RYR3: variants seen among roughly 807,000 people sequenced by gnomAD.
RYR3 encodes brain ryanodine receptor-calcium release channel.
A neutral mutation model predicts 584.3 loss-of-function variants in RYR3; 207 were observed. That is an observed-to-expected ratio of 0.35 (90% CI 0.32 to 0.40). The LOEUF (loss-of-function observed/expected upper bound fraction) is 0.40. Among genes scored for constraint, RYR3 ranks in the 10% least tolerant of loss-of-function variants. The pLI, the probability that RYR3 is intolerant of heterozygous loss-of-function variation, is 1.00. For synonymous variants in RYR3, 2,416 were observed against 2,248.5 expected (o/e 1.07, Z -2.11); for missense variants, 5,616 against 6,089.2 (o/e 0.92, Z 2.59).
intron 8 of RYR3, among the ~76,000 whole-genome samples, chr15:33,545,131 C>G (rs1482990599): frequency 6.6e-6 from 1 of 152,162 alleles, no homozygotes; most frequent in African/African-American, 2.4e-5. Context: ...CTAGTTCATT[C>G]TCTCTATTCC....
chr15:33,441,725 T>A (rs776063279), intron 1 of RYR3, among the ~76,000 whole-genome samples: 1 of 152,224 alleles, frequency 6.6e-6, no homozygotes, highest in Non-Finnish European at 1.5e-5. Flanking sequence ...TGCCCTACTT[T>A]ATACATTTGG....
chr15:33,677,379 G>A (rs893215324), intron 38 of RYR3, among the ~76,000 whole-genome samples: 7 of 152,266 alleles, frequency 4.6e-5, no homozygotes, highest in South Asian at 4.2e-4. Flanking sequence ...TGAGTCCTTC[G>A]CTGTGCCATC....
At chr15:33,836,775 G>A (rs1252116862) in intron 87 of RYR3, 131 bp from the exon 88 acceptor site, 1 of 623,006 alleles carries the variant, frequency 1.6e-6, no homozygotes, top group Non-Finnish European at 2.9e-6. Context: ...CATTCAGAAT[G>A]AGAAGGAAGC....
intron 36 of RYR3, among the ~76,000 whole-genome samples, chr15:33,665,994 C>T (rs1282051943): frequency 6.6e-6 from 1 of 152,072 alleles, no homozygotes; most frequent in East Asian, 1.9e-4. Flanking sequence ...ACACAGATTG[C>T]TTGGTTTCAC....
chr15:33,576,675 AG>A (rs2058315701), intron 12 of RYR3, among the ~76,000 whole-genome samples: 1 of 152,230 alleles, frequency 6.6e-6, no homozygotes, highest in Non-Finnish European at 1.5e-5. Context: ...AATGAGCAAA[AG>A]CTGGAAGCAT....
chr15:33,859,924 G>A (rs2080147710), intron 100 of RYR3, among the ~76,000 whole-genome samples, 193 bp downstream of exon 100: 1 of 152,184 alleles, frequency 6.6e-6, no homozygotes, highest in African/African-American at 2.4e-5. Flanking sequence ...CCCAGGCACA[G>A]TTATAAGAAG....
intron 43 of RYR3, among the ~76,000 whole-genome samples, chr15:33,715,656 C>T (rs1388815851): frequency 1.3e-5 from 2 of 152,108 alleles, no homozygotes; most frequent in Non-Finnish European, 2.9e-5. Flanking sequence ...CTGGGAAGTT[C>T]AAGAACAAGG....
At chr15:33,861,042 C>G (rs1888013442) in intron 101 of RYR3, 36 bp from the exon 102 acceptor site, 9 of 1,449,414 alleles carry the variant, frequency 6.2e-6, no homozygotes, top group Non-Finnish European at 8.6e-6. Flanking sequence ...CTATATTATG[C>G]CAACAAATGC....
At chr15:33,467,225 A>C (rs548738398) in intron 1 of RYR3, among the ~76,000 whole-genome samples, 24 of 152,368 alleles carry the variant, frequency 1.6e-4, no homozygotes, top group Non-Finnish European at 3.2e-4. Context: ...GCACTTAAAC[A>C]TGAAATCTGC....
intron 1 of RYR3, among the ~76,000 whole-genome samples, chr15:33,388,303 C>T (rs2041766067): frequency 6.6e-6 from 1 of 152,114 alleles, no homozygotes. Flanking sequence ...ACAGATCTTT[C>T]AGATATGTTC....
chr15:33,353,593 G>A (rs974629812), intron 1 of RYR3, among the ~76,000 whole-genome samples: 6 of 152,164 alleles, frequency 3.9e-5, no homozygotes, highest in Admixed American at 3.9e-4. Context: ...CCACATCCTA[G>A]AAACCCCATC....
At chr15:33,526,748 A>T (rs1255478670) in intron 3 of RYR3, among the ~76,000 whole-genome samples, 1 of 152,118 alleles carries the variant, frequency 6.6e-6, no homozygotes, top group East Asian at 1.9e-4. Flanking sequence ...CCGGGCACTG[A>T]CATGGGCATG....
At position 33,819,719 on chromosome 15, in the gene RYR3, T is replaced by TAAATAAATAAAA. The variant is rs771030893; in HGVS notation, c.10707-34_10707-33insTAAATAAAAAAA. 4 of 1,209,276 alleles carry TAAATAAATAAAA rather than the reference T, an allele frequency of 3.3e-6. No individual in the cohort carries two copies. In the Admixed American group the frequency reaches 7.9e-5, roughly 24 times the overall value. The allele number at this position is 1,209,276 out of a possible 1,614,324, so 74.9% of individuals were successfully genotyped here. A position where few individuals can be genotyped will look rare whatever the true frequency, so the allele number is the denominator to read the frequency against. ...ATAAATAAATAAATAAATAAATAAA[T>TAAATAAATAAAA]AAAAAGCCTGCTAAATATTTCCTCC... On this transcript the variant is annotated intron_variant, in intron 76 of 103. Coordinates refer to ENST00000634891, the MANE Select transcript of RYR3 (RefSeq NM_001036.6).
chr15:33,821,418 T>C (rs766813894), intron 79 of RYR3, 49 bp downstream of exon 79: 1 of 1,584,778 alleles, frequency 6.3e-7, no homozygotes, highest in Non-Finnish European at 8.6e-7. Flanking sequence ...CACAAAGATA[T>C]CATGCTGTGA....
At chr15:33,729,470 A>C (rs11856964) in intron 47 of RYR3, among the ~76,000 whole-genome samples, 19,669 of 152,142 alleles carry the variant, frequency 0.13, 1,390 homozygotes, top group East Asian at 0.29. Context: ...GCTGGCTGGC[A>C]ACATTATAGG....
chr15:33,603,253 G>A lies in RYR3; in HGVS notation c.2053G>A (p.Ala685Thr). The A allele has an allele frequency of 6.2e-7, 1 of 1,613,916 alleles. No individual in the cohort carries two copies. Among genetic ancestry groups the A allele is most frequent in the Non-Finnish European group, 8.5e-7 (1 of 1,179,852 alleles). ...GCCCACACATCTGCGGGTGGGCTGGGCCTCTTCTTCAGGCTATGCCCCATA... is the reference window on the plus strand; with the variant it reads ...GCCCACACATCTGCGGGTGGGCTGGACCTCTTCTTCAGGCTATGCCCCATA... ...AEPTHLRVGW[A>T]SSSGYAPYPG... Residue 685 changes from alanine (A) to threonine (T), a missense_variant, in exon 18 of 104, where the codon GCC becomes ACC. Ala to Thr is a moderately conservative substitution (Grantham distance 58). Around this residue, in one of 9 missense-constraint regions of RYR3, gnomAD observed 1,284 missense variants for 1,344.6 expected, o/e 0.95. Coordinates refer to ENST00000634891, the MANE Select transcript of RYR3 (RefSeq NM_001036.6).
chr15:33,790,763 G>A (rs2075105797), intron 67 of RYR3, among the ~76,000 whole-genome samples: 1 of 152,154 alleles, frequency 6.6e-6, no homozygotes, highest in South Asian at 2.1e-4. Flanking sequence ...AAGGATTGAG[G>A]AAGAGACAGA....
chr15:33,736,151 G>A, intron 48 of RYR3, 84 bp from the exon 49 acceptor site: 1 of 866,366 alleles, frequency 1.2e-6, no homozygotes, highest in Admixed American at 2.1e-5. Context: ...GCTGTAATAT[G>A]CTTATTGTTC....
At chr15:33,853,520 G>C (rs763323250) in intron 95 of RYR3, 35 bp from the exon 96 acceptor site, 2 of 1,604,766 alleles carry the variant, frequency 1.2e-6, no homozygotes, top group Non-Finnish European at 8.5e-7. Flanking sequence ...GTGGTGGCGT[G>C]TGGCCTGAGC....
Sources: allele counts gnomAD v4.1 joint callset (sites outside exome capture counted in the v4.1 genomes callset), GRCh38; gene constraint gnomAD v4.1.1; regional missense constraint gnomAD v4.1.1; transcripts MANE v1.5; gene names NCBI Gene and HGNC (gene_info 2026-07-23, HGNC 2026-07-21).